CDKAL1: variants seen among roughly 807,000 people sequenced by gnomAD.
CDKAL1 encodes CDKAL1 threonylcarbamoyladenosine tRNA methylthiotransferase, also known as threonylcarbamoyladenosine tRNA methylthiotransferase.
A neutral mutation model predicts 68.2 loss-of-function variants in CDKAL1; 32 were observed. The observed-to-expected ratio is 0.47, with a 90% CI of 0.35 to 0.63. The LOEUF is 0.63. Ranked by LOEUF, CDKAL1 falls within the 30% of genes least tolerant of loss-of-function variation. CDKAL1 has a pLI of 0.00. For synonymous variants in CDKAL1, 234 were observed against 244.3 expected (o/e 0.96, Z 0.39); for missense variants, 606 against 696.7 (o/e 0.87, Z 1.47).
chr6:21,162,934 A>G (rs1032897313), intron 13 of CDKAL1, among the ~76,000 whole-genome samples: 1 of 151,966 alleles, frequency 6.6e-6, no homozygotes, highest in African/African-American at 2.4e-5. Flanking sequence ...GCAAGAACTC[A>G]TCTTGATGGA....
intron 11 of CDKAL1, among the ~76,000 whole-genome samples, chr6:21,062,099 T>C (rs1372852827): frequency 6.6e-6 from 1 of 152,218 alleles, no homozygotes; most frequent in Non-Finnish European, 1.5e-5. Context: ...AACAGTGGGT[T>C]CAACCATAAT....
At chr6:20,691,443 G>A (rs1033935866) in intron 5 of CDKAL1, among the ~76,000 whole-genome samples, 3 of 151,954 alleles carry the variant, frequency 2.0e-5, no homozygotes, top group Non-Finnish European at 2.9e-5. Flanking sequence ...TGAGTGCCTG[G>A]CTAAGTGAAA....
At chr6:21,012,720 G>C (rs1768088969) in intron 11 of CDKAL1, among the ~76,000 whole-genome samples, 2 of 152,152 alleles carry the variant, frequency 1.3e-5, no homozygotes, top group South Asian at 4.1e-4. Flanking sequence ...CTCTGTGAGG[G>C]ATACGCCTTA....
At position 21,146,850 on chromosome 6, in the gene CDKAL1, C is replaced by CAAAA. The variant is rs1194653980; in HGVS notation, c.1299+38406_1299+38409dup. Among the ~76,000 whole-genome samples the CAAAA allele has an allele frequency of 8.9e-5, 7 of 78,254 alleles. No individual in the cohort carries two copies. In the South Asian group the frequency reaches 1.7e-3, roughly 19 times the overall value. 51.3% of individuals were successfully genotyped at this position (78,254 alleles called of 152,430 possible). A position where few individuals can be genotyped will look rare whatever the true frequency, so the allele number is the denominator to read the frequency against. ...TGGGCGACAGAGCGAGACTCCGTCT[C>CAAAA]AAAAAAAAAAAAAAAAAAAAAAGAT... On this transcript the variant is annotated intron_variant, in intron 13 of 15. Transcript: ENST00000274695.
chr6:20,971,571 C>T lies in CDKAL1; in HGVS notation c.909+15986C>T, dbSNP rs761563034. On this transcript the variant is annotated intron_variant, in intron 10 of 15. Coordinates refer to ENST00000274695, the MANE Select transcript of CDKAL1 (RefSeq NM_017774.3). ...TTGAAATCTGCAGTACATTGTGTTA[C>T]TGTCATAGAAGTAACAGATTTTAGA... 1.6e-3 allele frequency among the ~76,000 whole-genome samples: 244 copies of T among 152,294 alleles called. 2 individuals carry two copies. The highest frequency in any genetic ancestry group is 3.4e-3 in the Middle Eastern group (1 of 294).
chr6:20,622,595 C>A (rs964116760), intron 4 of CDKAL1, among the ~76,000 whole-genome samples: 1 of 152,058 alleles, frequency 6.6e-6, no homozygotes, highest in Admixed American at 6.6e-5. Context: ...GTTAAGAACA[C>A]TGTTGATGTT....
At chr6:20,788,778 A>C (rs897256675) in intron 8 of CDKAL1, among the ~76,000 whole-genome samples, 1 of 152,148 alleles carries the variant, frequency 6.6e-6, no homozygotes, top group African/African-American at 2.4e-5. Flanking sequence ...TTAGGTAAGA[A>C]ATTTGCTGGG....
chr6:21,178,024 C>A (rs992133138), intron 13 of CDKAL1, among the ~76,000 whole-genome samples: 4 of 152,004 alleles, frequency 2.6e-5, no homozygotes, highest in African/African-American at 4.8e-5. Flanking sequence ...TCACTTGAAC[C>A]CAACCTATCA....
chr6:20,648,450 A>G (rs961751210), intron 4 of CDKAL1, among the ~76,000 whole-genome samples: 1 of 143,988 alleles, frequency 6.9e-6, no homozygotes, highest in Non-Finnish European at 1.5e-5. Flanking sequence ...GTGTGTGCCA[A>G]GTTACCAGAA....
At chr6:20,561,109 A>G (rs1764248129) in intron 4 of CDKAL1, among the ~76,000 whole-genome samples, 1 of 151,818 alleles carries the variant, frequency 6.6e-6, no homozygotes, top group African/African-American at 2.4e-5. Context: ...TCTCATCTTT[A>G]CCTTTGACAT....
intron 8 of CDKAL1, among the ~76,000 whole-genome samples, chr6:20,799,040 GTTTTTTTTTTTTTT>G (rs754008816): frequency 0.021 from 981 of 47,566 alleles, 41 homozygotes; most frequent in African/African-American, 0.077. Flanking sequence ...AAAGAACTGA[GTTTTTTTTTTTTTT>G]TTTTTTTTTT....
chr6:20,926,583 C>A (rs545200132), intron 9 of CDKAL1, among the ~76,000 whole-genome samples: 5 of 152,066 alleles, frequency 3.3e-5, no homozygotes, highest in African/African-American at 1.2e-4. Context: ...GTTATTGGAA[C>A]AGTACCAGAA....
chr6:20,739,628 C>T lies in CDKAL1; in HGVS notation c.468+13C>T. 1 of 1,505,122 alleles carries T rather than the reference C, an allele frequency of 6.6e-7. No homozygotes were observed. Among genetic ancestry groups the T allele is most frequent in the Non-Finnish European group, 9.1e-7 (1 of 1,096,706 alleles). 93.2% of individuals were successfully genotyped at this position (1,505,122 alleles called of 1,614,324 possible). A position where few individuals can be genotyped will look rare whatever the true frequency, so the allele number is the denominator to read the frequency against. On this transcript the variant is annotated intron_variant, in intron 6 of 15. Coordinates refer to ENST00000274695, the MANE Select transcript of CDKAL1 (RefSeq NM_017774.3). ...GAGTATCATTGGGGTAAGCTTGTACCTGATGCAAAAAGAGAAAATCTTACA... is the reference window on the plus strand; with the variant it reads ...GAGTATCATTGGGGTAAGCTTGTACTTGATGCAAAAAGAGAAAATCTTACA...
chr6:20,803,595 A>T (rs954256484), intron 8 of CDKAL1, among the ~76,000 whole-genome samples: 1 of 151,988 alleles, frequency 6.6e-6, no homozygotes, highest in Non-Finnish European at 1.5e-5. Flanking sequence ...ATTCCAGGAG[A>T]GTTGTTTAGG....
At chr6:20,756,891 CCTTCCTTCCTTCCTT>C (rs1290316536) in intron 6 of CDKAL1, 20 of 96,598 alleles carry the variant, frequency 2.1e-4, no homozygotes, top group African/African-American at 6.7e-4. Context: ...TTCCTTCCTT[CCTTCCTTCCTTCCTT>C]CCTTCCTTCC....
At chr6:20,620,659 C>A (rs1381965179) in intron 4 of CDKAL1, among the ~76,000 whole-genome samples, 1 of 151,728 alleles carries the variant, frequency 6.6e-6, no homozygotes, top group Non-Finnish European at 1.5e-5. Flanking sequence ...CACTTGTTTA[C>A]TGGGTCTATA....
At chr6:20,946,378 C>G (rs1764237567) in intron 9 of CDKAL1, among the ~76,000 whole-genome samples, 1 of 152,166 alleles carries the variant, frequency 6.6e-6, no homozygotes, top group African/African-American at 2.4e-5. Context: ...TTGATTCATT[C>G]AGGTTTTGTG....
intron 15 of CDKAL1, among the ~76,000 whole-genome samples, 163 bp downstream of exon 15, chr6:21,201,437 GT>G (rs1224970198): frequency 6.6e-6 from 1 of 152,190 alleles, no homozygotes; most frequent in Non-Finnish European, 1.5e-5. Context: ...AGAAAGATGT[GT>G]TTTTGCTGAT....
intron 11 of CDKAL1, among the ~76,000 whole-genome samples, chr6:21,042,394 C>A (rs1769978954): frequency 6.6e-6 from 1 of 152,198 alleles, no homozygotes; most frequent in African/African-American, 2.4e-5. Context: ...CCCTGCCCTA[C>A]CTGCACTTAT....
Sources: gnomAD v4.1 joint callset for allele counts (sites outside exome capture counted in the v4.1 genomes callset) on GRCh38, gnomAD v4.1.1 for gene constraint, MANE v1.5 for transcripts, NCBI Gene and HGNC (gene_info 2026-07-23, HGNC 2026-07-21) for gene names.